SCYL1: variants seen among roughly 807,000 people sequenced by gnomAD.
SCYL1 encodes the protein SCY1 like pseudokinase 1.
SCYL1 carries 85 observed loss-of-function variants against 94.8 expected under a neutral mutation model. The observed-to-expected ratio is 0.90, with a 90% CI of 0.75 to 1.07. The LOEUF (loss-of-function observed/expected upper bound fraction) is 1.07. Among genes scored for constraint, SCYL1 ranks in the 50% least tolerant of loss-of-function variants. SCYL1 has a pLI of 0.00. For synonymous variants in SCYL1, 459 were observed against 435.5 expected (o/e 1.05, Z -0.67); for missense variants, 968 against 1,083.3 (o/e 0.89, Z 1.49).
Position 65,533,054 on chromosome 11 carries a change from C to G in SCYL1, c.1230+249C>G, listed in dbSNP as rs1855468257. 7 of 476,610 alleles carry G rather than the reference C, an allele frequency of 1.5e-5. No individual in the cohort carries two copies. The Admixed American group carries it at 2.3e-4, about 16-fold the overall frequency. The allele number at this position is 476,610 out of a possible 1,614,324, so 29.5% of individuals were successfully genotyped here. On this transcript the variant is annotated intron_variant, in intron 9 of 17. Transcript: ENST00000270176. ...GAGGCAGCATGCATGAGGTGCCCAG[C>G]CCCCTGCACTCATGGAGCTTCCTTT...
At chr11:65,527,567 C>T (rs1359479992) in intron 6 of SCYL1, among the ~76,000 whole-genome samples, 1 of 151,800 alleles carries the variant, frequency 6.6e-6, no homozygotes, top group Non-Finnish European at 1.5e-5. Context: ...GGAGAAACCC[C>T]ATCTCTACTA....
chr11:65,526,101 G>C lies in SCYL1; in HGVS notation c.376-23G>C. The C allele has an allele frequency of 6.2e-7, 1 of 1,612,262 alleles. No homozygotes were observed. Among genetic ancestry groups the C allele is most frequent in the Non-Finnish European group, 8.5e-7 (1 of 1,179,396 alleles). The stretch of plus-strand genomic sequence containing the variant: ...GATGGGGGGTTGCAGGTGCTGGGGC[G>C]TGATGGCTCCTTTTGCCCCCAGAAA... On this transcript the variant is annotated intron_variant, in intron 3 of 17. Coordinates refer to ENST00000270176, the MANE Select transcript of SCYL1 (RefSeq NM_020680.4). The surrounding 1 kb of genome is among the most constrained non-coding windows in gnomAD (Gnocchi z 4.1).
chr11:65,533,212 A>ATG, intron 9 of SCYL1: 1 of 201,056 alleles, frequency 5.0e-6, no homozygotes, highest in South Asian at 9.1e-5. Context: ...ACCTGAGGTC[A>ATG]GGAGTTCGAG....
chr11:65,536,585 G>C lies in SCYL1; in HGVS notation c.1652-1G>C. ...CACCTCTCTCTCATGCCACTGCCCA[G>C]AGAAGGATGTCCATGCAGCCTCCAG... On this transcript the variant is annotated splice_acceptor_variant, in intron 12 of 17. Coordinates refer to ENST00000270176, the MANE Select transcript of SCYL1 (RefSeq NM_020680.4). LOFTEE classifies it high-confidence loss of function. 6.2e-7 allele frequency: 1 copy of C among 1,614,010 alleles called. No individual in the cohort carries two copies. The highest frequency in any genetic ancestry group is 1.1e-5 in the South Asian group (1 of 91,074).
Position 65,532,706 on chromosome 11 carries a change from C to T in SCYL1, c.1131C>T (p.Ile377=). 1 of 1,613,964 alleles carries T rather than the reference C, an allele frequency of 6.2e-7. No homozygotes were observed. The highest frequency in any genetic ancestry group is 8.5e-7 in the Non-Finnish European group (1 of 1,179,836). ...CTGGGCCACAGATGGAGCAGTTCAT[C>T]CAGTACCTTGACGAGCCAACAGTCA... ...IRLLQQMEQF[I]QYLDEPTVNT... Residue 377 remains isoleucine, a synonymous_variant, in exon 9 of 18, where the codon ATC becomes ATT. Coordinates refer to ENST00000270176, the MANE Select transcript of SCYL1 (RefSeq NM_020680.4).
chr11:65,526,968 A>T lies in SCYL1; in HGVS notation c.700A>T (p.Lys234Ter). ...AALRNPGKIPKTLVPHYCELV... is the reference protein window; with the variant it reads ...AALRNPGKIP ...ACTGACCCCTCCCCTACAGATCCCC[A>T]AAACGCTGGTGCCCCATTACTGTGA... The change falls in exon 6 of 18, where the codon AAA becomes TAA. Residue 234 changes from lysine to a stop codon, truncating the protein, a stop_gained. Transcript: ENST00000270176. LOFTEE classifies it high-confidence loss of function. The surrounding 1 kb of genome is among the most constrained non-coding windows in gnomAD (Gnocchi z 4.1). The T allele has an allele frequency of 6.2e-7, 1 of 1,610,724 alleles. No individual in the cohort carries two copies.
At position 65,537,844 on chromosome 11, in the gene SCYL1, C is replaced by G; in HGVS notation, c.1995C>G (p.Asp665Glu). The change falls in exon 15 of 18, where the codon GAC becomes GAG. Residue 665 changes from aspartate to glutamate, a missense_variant. This residue lies in a region of SCYL1 where 474 missense variants were observed against 463.6 expected (regional missense o/e 1.02). Coordinates refer to ENST00000270176, the MANE Select transcript of SCYL1 (RefSeq NM_020680.4). ...EAESVLAQQD[D>E]WSTGGQVSRA... ...AGTCTGTGCTGGCCCAGCAGGACGA[C>G]TGGAGCACCGGGGGCCAAGTGAGCC... is the stretch of plus-strand genomic sequence containing the variant. The G allele has an allele frequency of 6.4e-7, 1 of 1,574,258 alleles. No individual in the cohort carries two copies. Among genetic ancestry groups the G allele is most frequent in the Non-Finnish European group, 8.6e-7 (1 of 1,159,452 alleles).
intron 14 of SCYL1, 47 bp from the exon 15 acceptor site, chr11:65,537,762 G>T (rs1855759306): frequency 1.4e-6 from 2 of 1,474,190 alleles, no homozygotes; most frequent in Non-Finnish European, 9.1e-7. Context: ...GGGCTCACTT[G>T]CCCTTTAGCA....
At chr11:65,536,162 G>A in intron 11 of SCYL1, 21 bp downstream of exon 11, 1 of 1,609,752 alleles carries the variant, frequency 6.2e-7, no homozygotes, top group Non-Finnish European at 8.5e-7. Context: ...GCTGGGCCTG[G>A]GCCCTGGGCT....
At chr11:65,536,475 C>A in intron 12 of SCYL1, 111 bp from the exon 13 acceptor site, 1 of 1,435,666 alleles carries the variant, frequency 7.0e-7, no homozygotes, top group Non-Finnish European at 9.6e-7. Flanking sequence ...TGGGAGAAAT[C>A]AGGCCTGGAG....
At chr11:65,525,428 G>A (rs902156823) in intron 1 of SCYL1, 146 bp from the exon 2 acceptor site, 239 of 1,124,638 alleles carry the variant, frequency 2.1e-4, no homozygotes, top group Middle Eastern at 9.1e-4. Flanking sequence ...AGGGACCGAG[G>A]GACCGACAGG....
intron 14 of SCYL1, 126 bp from the exon 15 acceptor site, chr11:65,537,683 G>C (rs1052455113): frequency 2.7e-5 from 21 of 770,896 alleles, no homozygotes; most frequent in African/African-American, 5.3e-5. Context: ...GGGAAACAGG[G>C]CCTGAGGAGC....
Position 65,525,168 on chromosome 11 carries a change from C to G in SCYL1, c.15C>G (p.Ala5=). ...CGGTGGGGACGATGTGGTTCTTTGC[C>G]CGGGACCCGGTCCGGGACTTTCCGT... The part of the protein sequence containing the change: MWFF[A]RDPVRDFPFE... The change falls in exon 1 of 18, where the codon GCC becomes GCG. Residue 5 remains alanine (A), a synonymous_variant. Coordinates refer to ENST00000270176, the MANE Select transcript of SCYL1 (RefSeq NM_020680.4). 7.2e-7 allele frequency: 1 copy of G among 1,388,956 alleles called. No homozygotes were observed. The allele number at this position is 1,388,956 out of a possible 1,614,324, so 86.0% of individuals were successfully genotyped here. A position where few individuals can be genotyped will look rare whatever the true frequency, so the allele number is the denominator to read the frequency against.
rs753409774 is a variant in SCYL1, at chr11:65,525,570, C to T, written c.112-4C>T. On this transcript the variant is annotated splice_region_variant and splice_polypyrimidine_tract_variant and intron_variant, in intron 1 of 17. Coordinates refer to ENST00000270176, the MANE Select transcript of SCYL1 (RefSeq NM_020680.4). ...CCATCTCAGGCCCCGCTGCCCTCCC[C>T]TAGGCCACAGGCAGCCCCGTGTCCA... 4.3e-6 allele frequency: 7 copies of T among 1,611,528 alleles called. No homozygotes were observed. The highest frequency in any genetic ancestry group is 4.2e-6 in the Non-Finnish European group (5 of 1,179,866).
chr11:65,531,690 C>CCT lies in SCYL1; in HGVS notation c.1116+10_1116+11dup, dbSNP rs745480622. ...CATCCGCCTCCTGCAGCAGGTGAGG[C>CCT]CTCTGTACCAGACTCTGTGGTGGTC... On this transcript the variant is annotated splice_region_variant and intron_variant, in intron 8 of 17. Transcript: ENST00000270176. 8 of 1,602,856 alleles carry CCT rather than the reference C, an allele frequency of 5.0e-6. No homozygotes were observed. The South Asian group carries it at 7.7e-5, about 15-fold the overall frequency.
chr11:65,533,410 G>T (rs1855485149), intron 9 of SCYL1, among the ~76,000 whole-genome samples: 1 of 152,068 alleles, frequency 6.6e-6, no homozygotes, highest in Non-Finnish European at 1.5e-5. Flanking sequence ...CAACAAGAGG[G>T]AAACTCTGTT....
At chr11:65,538,347 C>G (rs1855825217) in intron 17 of SCYL1, 23 bp downstream of exon 17, 5 of 1,543,110 alleles carry the variant, frequency 3.2e-6, no homozygotes, top group Admixed American at 4.0e-5. Flanking sequence ...CCTGGGTGGG[C>G]TGAAGACTAG....
intron 17 of SCYL1, 56 bp from the exon 18 acceptor site, chr11:65,538,385 GC>G (rs2135107747): frequency 6.5e-7 from 1 of 1,539,172 alleles, no homozygotes; most frequent in Non-Finnish European, 8.8e-7. Context: ...GCCCCTACAG[GC>G]CCCCGGCAGG....
rs573462705 is a variant in SCYL1, at chr11:65,538,462, G to C, written c.2323G>C (p.Ala775Pro). 5 of 1,570,720 alleles carry C rather than the reference G, an allele frequency of 3.2e-6. No homozygotes were observed. Among genetic ancestry groups the C allele is most frequent in the Middle Eastern group, 3.3e-4 (2 of 6,004 alleles). Residue 775 changes from alanine to proline, a missense_variant, in exon 18 of 18, where the codon GCC becomes CCC. This residue lies in a region of SCYL1 where 474 missense variants were observed against 463.6 expected (regional missense o/e 1.02). Coordinates refer to ENST00000270176, the MANE Select transcript of SCYL1 (RefSeq NM_020680.4). ...TDSRQVKAEL[A>P]RKKREERRRE... Reference sequence around the variant, plus strand: ...GCCAGGACAGGTCAAGGCTGAGCTGGCCCGGAAGAAGCGCGAGGAGCGGCG... The same window carrying C: ...GCCAGGACAGGTCAAGGCTGAGCTGCCCCGGAAGAAGCGCGAGGAGCGGCG...
Sources: allele counts gnomAD v4.1 joint callset (sites outside exome capture counted in the v4.1 genomes callset), GRCh38; gene constraint gnomAD v4.1.1; regional missense constraint gnomAD v4.1.1; non-coding constraint Gnocchi (gnomAD v3.1); transcripts MANE v1.5; gene names NCBI Gene and HGNC (gene_info 2026-07-23, HGNC 2026-07-21).